CLCN6: variants seen among roughly 807,000 people sequenced by gnomAD.
CLCN6 encodes Cl-/H+ antiporter 6.
Under a neutral mutation model 109.8 loss-of-function variants are expected in CLCN6, and 70 were observed. That is an observed-to-expected ratio of 0.64 (90% confidence interval 0.53 to 0.78). The LOEUF is 0.78. Ranked by LOEUF, CLCN6 falls within the 30% of genes least tolerant of loss-of-function variation. The pLI, the probability that CLCN6 is intolerant of heterozygous loss-of-function variation, is 0.00. For synonymous variants in CLCN6, 444 were observed against 447.8 expected (o/e 0.99, Z 0.11); for missense variants, 984 against 1,142.3 (o/e 0.86, Z 2.00).
rs1359230122 is a variant in CLCN6, at chr1:11,836,011, A to G, written c.1838A>G (p.Tyr613Cys). The G allele has an allele frequency of 6.2e-7, 1 of 1,613,262 alleles. No individual in the cohort carries two copies. Among genetic ancestry groups the G allele is most frequent in the Non-Finnish European group, 8.5e-7 (1 of 1,179,916 alleles). ...DIMEPNLTYVYPHTRIQSLVS... is the reference protein window; with the variant it reads ...DIMEPNLTYVCPHTRIQSLVS... ...ATGGAGCCCAACCTGACCTACGTCT[A>G]CCCGCACACCCGCATCCAGTCTCTG... The change falls in exon 18 of 23, where the codon TAC (tyrosine) becomes TGC (cysteine). Residue 613 changes from tyrosine (Y) to cysteine (C), a missense_variant. By Grantham distance (194) the Tyr-to-Cys change is radical. Coordinates refer to ENST00000346436, the MANE Select transcript of CLCN6 (RefSeq NM_001286.5).
chr1:11,830,889 A>G (rs1644876078), intron 13 of CLCN6, among the ~76,000 whole-genome samples: 1 of 151,758 alleles, frequency 6.6e-6, no homozygotes, highest in African/African-American at 2.4e-5. Context: ...GCCGGAGTGC[A>G]GTGGCGCGAT....
At chr1:11,832,444 G>T (rs573727774) in intron 13 of CLCN6, among the ~76,000 whole-genome samples, 1 of 152,370 alleles carries the variant, frequency 6.6e-6, no homozygotes, top group African/African-American at 2.4e-5. Context: ...AACACTGCAT[G>T]TGTCTATTAT....
chr1:11,822,546 T>G, intron 5 of CLCN6, 149 bp from the exon 6 acceptor site: 1 of 549,038 alleles, frequency 1.8e-6, no homozygotes, highest in Non-Finnish European at 3.3e-6. Context: ...CCCAGTCATC[T>G]CAGGCAGTTT....
At chr1:11,836,729 C>G (rs1557434366) in intron 18 of CLCN6, among the ~76,000 whole-genome samples, 1 of 152,148 alleles carries the variant, frequency 6.6e-6, no homozygotes, top group East Asian at 1.9e-4. Flanking sequence ...AAAATTCTAT[C>G]AAGACAGGAT....
In CLCN6 at chr1:11,819,589, TC is replaced by T. The variant is rs765067279; in HGVS notation, c.346+36del. The T allele has an allele frequency of 4.4e-6, 7 of 1,577,448 alleles. No homozygotes were observed. The East Asian group carries it at 1.6e-4, about 35-fold the overall frequency. On this transcript the variant is annotated intron_variant, in intron 5 of 22. Transcript: ENST00000346436. ...TCACGGTTCCTGGTGTTCGTGGACT[TC>T]AGTGGTCACCAAGATTCTTTCTTAC... is the stretch of plus-strand genomic sequence containing the variant.
Position 11,828,196 on chromosome 1 carries a change from T to A in CLCN6, c.931T>A (p.Leu311Met), listed in dbSNP as rs759735117. ...CTGGGGTTCCTTCCAGCTCCCTGGATTGCTGAACTTTGGCGAGTTTAAGGT... is the reference window on the plus strand; with the variant it reads ...CTGGGGTTCCTTCCAGCTCCCTGGAATGCTGAACTTTGGCGAGTTTAAGGT... ...GSWGSFQLPG[L>M]LNFGEFKCSD... Residue 311 changes from leucine to methionine, a missense_variant, in exon 11 of 23, where the codon TTG (leucine) becomes ATG (methionine). Transcript: ENST00000346436. The A allele has an allele frequency of 6.2e-7, 1 of 1,614,046 alleles. No individual in the cohort carries two copies. Among genetic ancestry groups the A allele is most frequent in the Non-Finnish European group, 8.5e-7 (1 of 1,179,904 alleles).
chr1:11,821,074 C>CA (rs199897007), intron 5 of CLCN6, among the ~76,000 whole-genome samples: 276 of 99,836 alleles, frequency 2.8e-3, no homozygotes, highest in Non-Finnish European at 3.9e-3. Flanking sequence ...AAAACTGTCT[C>CA]AAAAAACAAC....
intron 1 of CLCN6, 160 bp downstream of exon 1, chr1:11,806,509 G>A: frequency 3.7e-6 from 2 of 546,178 alleles, no homozygotes; most frequent in South Asian, 2.9e-5. Context: ...CCTGCTTCAC[G>A]TGCCTAAGTC....
In CLCN6 at chr1:11,827,090, G is replaced by A. The variant is rs1225983813; in HGVS notation, c.709G>A (p.Asp237Asn). The A allele has an allele frequency of 5.6e-6, 9 of 1,613,706 alleles. No homozygotes were observed. Among genetic ancestry groups the A allele is most frequent in the Non-Finnish European group, 7.6e-6 (9 of 1,179,886 alleles). Residue 237 changes from aspartate to asparagine, a missense_variant and splice_region_variant, in exon 10 of 23, where the codon GAC (aspartate) becomes AAC (asparagine). Asp to Asn is a conservative substitution (Grantham distance 23). Coordinates refer to ENST00000346436, the MANE Select transcript of CLCN6 (RefSeq NM_001286.5). ...FNFPYFRSDRDKRDFVSAGAA... is the reference protein window; with the variant it reads ...FNFPYFRSDRNKRDFVSAGAA... The stretch of plus-strand genomic sequence containing the variant: ...AACCCGTCTCTCTCCTCTCCTCAGA[G>A]ACAAGAGAGACTTTGTATCAGCAGG...
At chr1:11,833,822 A>C (rs1171847172) in intron 14 of CLCN6, 55 bp from the exon 15 acceptor site, 1 of 1,581,294 alleles carries the variant, frequency 6.3e-7, no homozygotes, top group Non-Finnish European at 8.6e-7. Flanking sequence ...CGGTAGGTCT[A>C]CTGGGCCTTG....
chr1:11,815,089 G>A (rs1382662453), intron 2 of CLCN6, among the ~76,000 whole-genome samples: 2 of 150,608 alleles, frequency 1.3e-5, no homozygotes, highest in Admixed American at 6.6e-5. Flanking sequence ...ATGTTAGTTT[G>A]TCTTGTGACT....
At chr1:11,832,888 A>G (rs1379020579) in intron 13 of CLCN6, among the ~76,000 whole-genome samples, 1 of 152,230 alleles carries the variant, frequency 6.6e-6, no homozygotes, top group Non-Finnish European at 1.5e-5. Flanking sequence ...TAGAAGTAGT[A>G]GAAGAAATAA....
Position 11,834,709 on chromosome 1 carries a change from A to ACACC in CLCN6, c.1793+122_1793+125dup. On this transcript the variant is annotated intron_variant, in intron 17 of 22. Transcript: ENST00000346436. This position sits in a 1 kb window ranked among gnomAD's most constrained non-coding sequence, Gnocchi z 4.5. Reference sequence around the variant, plus strand: ...CTTTTCTTGGGCTGAAAGAAGCAACACACCCATTCCTGAGCATGTGTGAGA... The same window carrying ACACC: ...CTTTTCTTGGGCTGAAAGAAGCAACACACCCACCCATTCCTGAGCATGTGTGAGA... 3 of 866,234 alleles carry ACACC rather than the reference A, an allele frequency of 3.5e-6. No individual in the cohort carries two copies. The highest frequency in any genetic ancestry group is 5.5e-6 in the Non-Finnish European group (3 of 542,400). The allele number at this position is 866,234 out of a possible 1,614,324, so 53.7% of individuals were successfully genotyped here.
In CLCN6 at chr1:11,827,034, C is replaced by T. The variant is rs1389696700; in HGVS notation, c.708-55C>T. 8 of 1,597,260 alleles carry T rather than the reference C, an allele frequency of 5.0e-6. No individual in the cohort carries two copies. The African/African-American group carries it at 1.1e-4, about 22-fold the overall frequency. On this transcript the variant is annotated intron_variant, in intron 9 of 22. Transcript: ENST00000346436. ...TTCATGATAAGGAAGTCAGAAACCA[C>T]CTTTTGGGGGCTGGGGGCTCTTTAT...
chr1:11,813,005 A>G (rs1329395223), intron 2 of CLCN6, among the ~76,000 whole-genome samples: 1 of 152,168 alleles, frequency 6.6e-6, no homozygotes, highest in Non-Finnish European at 1.5e-5. Flanking sequence ...TGTCCCATAC[A>G]ATTTCCAAAG....
At chr1:11,831,435 G>A (rs560002362) in intron 13 of CLCN6, among the ~76,000 whole-genome samples, 2 of 140,900 alleles carry the variant, frequency 1.4e-5, no homozygotes, top group Admixed American at 1.4e-4. Flanking sequence ...GATTGCAGGC[G>A]TGAGCCACCG....
At chr1:11,837,689 T>A (rs907604862) in intron 20 of CLCN6, among the ~76,000 whole-genome samples, 190 bp downstream of exon 20, 1 of 152,036 alleles carries the variant, frequency 6.6e-6, no homozygotes, top group African/African-American at 2.4e-5. Context: ...CCTTCATAGT[T>A]CAAGGCCAGA....
chr1:11,837,409 G>T lies in CLCN6; in HGVS notation c.2205G>T (p.Arg735=). Reference sequence around the variant, plus strand: ...GTGAAGACTGGACCATGGAGGAGCGGTTCCGCCCTCTGACCTTCCACGGCC... The same window carrying T: ...GTGAAGACTGGACCATGGAGGAGCGTTTCCGCCCTCTGACCTTCCACGGCC... The part of the protein sequence containing the change: ...SPSEDWTMEE[R]FRPLTFHGLI... The change falls in exon 20 of 23, where the codon CGG becomes CGT. Residue 735 remains arginine (R), a synonymous_variant. Coordinates refer to ENST00000346436, the MANE Select transcript of CLCN6 (RefSeq NM_001286.5). 6.2e-7 allele frequency: 1 copy of T among 1,614,170 alleles called. No homozygotes were observed. Among genetic ancestry groups the T allele is most frequent in the Non-Finnish European group, 8.5e-7 (1 of 1,180,006 alleles).
Position 11,833,576 on chromosome 1 carries a change from A to G in CLCN6, c.1310A>G (p.Asp437Gly), listed in dbSNP as rs1471762566. Residue 437 changes from aspartate (D) to glycine (G), a missense_variant, in exon 14 of 23, where the codon GAC becomes GGC. Asp to Gly is a moderately conservative substitution (Grantham distance 94, BLOSUM62 -1). Transcript: ENST00000346436. ...TFFCPNDTYN[D>G]MATLFFNPQE... is the part of the protein sequence containing the mutation. ...TTTTGTCCCAATGATACCTACAATG[A>G]CATGGCCACACTCTTCTTCAACCCG... is the stretch of plus-strand genomic sequence containing the variant. 6.2e-7 allele frequency: 1 copy of G among 1,614,030 alleles called. No individual in the cohort carries two copies. Among genetic ancestry groups the G allele is most frequent in the Non-Finnish European group, 8.5e-7 (1 of 1,179,988 alleles).
Sources: allele counts gnomAD v4.1 joint callset (sites outside exome capture counted in the v4.1 genomes callset), GRCh38; gene constraint gnomAD v4.1.1; non-coding constraint Gnocchi (gnomAD v3.1); transcripts MANE v1.5; gene names NCBI Gene and HGNC (gene_info 2026-07-23, HGNC 2026-07-21).